PHTF2: variants seen among roughly 807,000 people sequenced by gnomAD.
PHTF2 encodes the protein putative homeodomain transcription factor 2, also known as protein PHTF2.
In PHTF2, 60 loss-of-function variants were observed where a neutral mutation model predicts 101.2. The observed-to-expected ratio is 0.59, with a 90% CI of 0.48 to 0.73. The LOEUF (loss-of-function observed/expected upper bound fraction) is 0.73. Ranked by LOEUF, PHTF2 falls within the 30% of genes least tolerant of loss-of-function variation. The pLI is 0.00. For missense variants in PHTF2, 747 were observed against 908.7 expected, an observed-to-expected ratio of 0.82 and a Z score of 2.29; for synonymous variants, 311 against 307.3, an observed-to-expected ratio of 1.01 and a Z score of -0.13.
exon 6 of PHTF2, chr7:77,900,759 A>T: frequency 6.4e-7 from 1 of 1,555,486 alleles, no homozygotes; most frequent in Non-Finnish European, 8.9e-7. Flanking sequence ...ACCAGACCTC[A>T]TAGATGTTGA....
chr7:77,885,979 G>A (rs562644695), intron 3 of PHTF2, among the ~76,000 whole-genome samples: 1 of 152,162 alleles, frequency 6.6e-6, no homozygotes, highest in South Asian at 2.1e-4. Flanking sequence ...GAAAAATTAG[G>A]GCTTTGACAT....
At chr7:77,892,432 G>C (rs1276753116) in intron 3 of PHTF2, among the ~76,000 whole-genome samples, 1 of 152,156 alleles carries the variant, frequency 6.6e-6, no homozygotes, top group African/African-American at 2.4e-5. Context: ...ATAATGTGTA[G>C]ATTAAAGGAC....
Position 77,819,935 on chromosome 7 carries a change from G to T in PHTF2, c.-35-20286G>T, listed in dbSNP as rs144044708. Reference sequence around the variant, plus strand: ...TGGTGTTTTGCTCTTGTTGGCCCAGGCTGGAGTGCAATGGTGTGATCTCGA... The same window carrying T: ...TGGTGTTTTGCTCTTGTTGGCCCAGTCTGGAGTGCAATGGTGTGATCTCGA... On this transcript the variant is annotated intron_variant, in intron 1 of 19. Coordinates refer to ENST00000416283, the Ensembl canonical transcript of PHTF2. Among the ~76,000 whole-genome samples, 833 of 152,232 alleles carry T rather than the reference G, an allele frequency of 5.5e-3. 15 individuals carry two copies. The highest frequency in any genetic ancestry group is 0.019 in the African/African-American group (782 of 41,528).
intron 3 of PHTF2, among the ~76,000 whole-genome samples, chr7:77,864,977 T>C (rs922673950): frequency 7.2e-5 from 11 of 152,170 alleles, no homozygotes; most frequent in African/African-American, 2.7e-4. Context: ...TCAGACAGAT[T>C]GTTCTGTCTT....
chr7:77,945,108 G>A (rs1805939385), intron 16 of PHTF2, among the ~76,000 whole-genome samples: 1 of 152,250 alleles, frequency 6.6e-6, no homozygotes, highest in Non-Finnish European at 1.5e-5. Context: ...GGGAGGCTGA[G>A]GCAGTCAGAG....
At chr7:77,944,406 C>T (rs182086777) in intron 16 of PHTF2, among the ~76,000 whole-genome samples, 12 of 152,246 alleles carry the variant, frequency 7.9e-5, no homozygotes, top group African/African-American at 2.2e-4. Context: ...ATGACAAGGA[C>T]GGGGGAAAAG....
chr7:77,880,371 A>G (rs1799305868), intron 3 of PHTF2, among the ~76,000 whole-genome samples: 1 of 152,204 alleles, frequency 6.6e-6, no homozygotes, highest in Non-Finnish European at 1.5e-5. Flanking sequence ...CAGTCCCCAC[A>G]TATAAAATCA....
intron 17 of PHTF2, among the ~76,000 whole-genome samples, chr7:77,950,565 G>A (rs1045800752): frequency 6.6e-6 from 1 of 152,148 alleles, no homozygotes; most frequent in African/African-American, 2.4e-5. Context: ...TTAGGCTGAG[G>A]CAGGAGAATC....
chr7:77,813,406 T>C (rs1053283963), intron 1 of PHTF2, among the ~76,000 whole-genome samples: 1 of 152,198 alleles, frequency 6.6e-6, no homozygotes, highest in African/African-American at 2.4e-5. Context: ...GACCTGACCA[T>C]TGCATTTAGC....
In PHTF2 at chr7:77,954,375, A is replaced by T. The variant is rs544943410; in HGVS notation, c.2337+481A>T. Reference sequence around the variant, plus strand: ...TCTCGAACTCCTGACCTCAAGTGATACACCCACCTTGGCCTCCCAGAGTGC... The same window carrying T: ...TCTCGAACTCCTGACCTCAAGTGATTCACCCACCTTGGCCTCCCAGAGTGC... On this transcript the variant is annotated intron_variant, in intron 19 of 19. Transcript: ENST00000416283. 1.8e-4 allele frequency among the ~76,000 whole-genome samples: 28 copies of T among 152,094 alleles called. 1 individual carries two copies. In the South Asian group the frequency reaches 3.5e-3, roughly 19 times the overall value.
intron 14 of PHTF2, 23 bp downstream of exon 13, chr7:77,940,325 A>G (rs1805536339): frequency 6.5e-7 from 1 of 1,548,160 alleles, no homozygotes; most frequent in Non-Finnish European, 8.7e-7. Flanking sequence ...TAGACTTCCG[A>G]ATAAGAATAT....
intron 9 of PHTF2, among the ~76,000 whole-genome samples, chr7:77,914,565 A>G (rs1802725983): frequency 6.6e-6 from 1 of 152,132 alleles, no homozygotes; most frequent in South Asian, 2.1e-4. Flanking sequence ...AAAAGCCCCT[A>G]GTTGTCCCTA....
At chr7:77,860,855 A>G (rs2150671217) in intron 3 of PHTF2, among the ~76,000 whole-genome samples, 1 of 151,956 alleles carries the variant, frequency 6.6e-6, no homozygotes, top group East Asian at 1.9e-4. Flanking sequence ...ACGTGCCATC[A>G]TGCCCTGTTA....
intron 16 of PHTF2, among the ~76,000 whole-genome samples, chr7:77,946,950 G>C (rs1200670695): frequency 6.8e-6 from 1 of 147,734 alleles, no homozygotes; most frequent in Non-Finnish European, 1.5e-5. Flanking sequence ...GGTGAGACCT[G>C]GTCTCTACAA....
chr7:77,925,735 C>T (rs890160918), intron 11 of PHTF2, among the ~76,000 whole-genome samples: 7 of 151,944 alleles, frequency 4.6e-5, no homozygotes, highest in African/African-American at 7.2e-5. Context: ...GCGTGAGCCA[C>T]CACTCCCAGC....
intron 4 of PHTF2, 93 bp downstream of exon 3, chr7:77,893,757 A>AT (rs1375458841): frequency 9.4e-6 from 6 of 637,698 alleles, no homozygotes; most frequent in Non-Finnish European, 1.6e-5. Context: ...TACTTTTAAG[A>AT]TATAAATTAC....
chr7:77,802,919 C>T (rs773257148), intron 1 of PHTF2, among the ~76,000 whole-genome samples: 2 of 152,168 alleles, frequency 1.3e-5, no homozygotes, highest in South Asian at 4.1e-4. Flanking sequence ...ACCATAAATA[C>T]GTTAAATTTA....
intron 3 of PHTF2, among the ~76,000 whole-genome samples, chr7:77,867,383 G>C (rs1442851374): frequency 6.6e-6 from 1 of 152,152 alleles, no homozygotes; most frequent in Non-Finnish European, 1.5e-5. Flanking sequence ...GAGCCAGGTT[G>C]TCTGTGTTTG....
rs950720166 is a variant in PHTF2 at position 77,923,290 on chromosome 7, A to G, written c.1119+512A>G. ...CTCTTGAGCTTCAAATTGTTTAAATAAAGAATTTCATTCAATTGTATTTTC... is the reference window on the plus strand; with the variant it reads ...CTCTTGAGCTTCAAATTGTTTAAATGAAGAATTTCATTCAATTGTATTTTC... On this transcript the variant is annotated intron_variant, in intron 11 of 19. Coordinates refer to ENST00000416283, the Ensembl canonical transcript of PHTF2. 3.3e-6 allele frequency: 3 copies of G among 922,378 alleles called. No individual in the cohort carries two copies. The African/African-American group carries it at 5.4e-5, about 16-fold the overall frequency. 57.1% of individuals were successfully genotyped at this position (922,378 alleles called of 1,614,324 possible).
Sources: allele counts gnomAD v4.1 joint callset (sites outside exome capture counted in the v4.1 genomes callset), GRCh38; gene constraint gnomAD v4.1.1; transcripts MANE v1.5; gene names NCBI Gene and HGNC (gene_info 2026-07-23, HGNC 2026-07-21).